The following TDRD3 variants were observed in gnomAD, a reference collection of about 807,000 sequenced individuals.
TDRD3 encodes the protein tudor domain-containing protein 3.
TDRD3 carries 45 observed loss-of-function variants against 86.7 expected under a neutral mutation model. That is an observed-to-expected ratio of 0.52 (90% CI 0.41 to 0.67). The LOEUF (loss-of-function observed/expected upper bound fraction) is 0.67, where lower values mean the gene tolerates loss of function less well. Among genes scored for constraint, TDRD3 ranks in the 30% least tolerant of loss-of-function variants. The probability of loss-of-function intolerance (pLI) is 0.00; values close to 1 mark genes in which losing one functional copy is unlikely to be tolerated. For missense variants in TDRD3, 814 were observed against 889.0 expected (o/e 0.92, Z 1.07); for synonymous variants, 298 against 301.7 (o/e 0.99, Z 0.13).
At chr13:60,554,512 C>A (rs1481005907) in intron 12 of TDRD3, among the ~76,000 whole-genome samples, 2 of 152,072 alleles carry the variant, frequency 1.3e-5, no homozygotes. Flanking sequence ...TTTTAATAAA[C>A]AATTTACACT....
intron 3 of TDRD3, among the ~76,000 whole-genome samples, chr13:60,453,631 C>T (rs1398445728): frequency 1.3e-5 from 2 of 152,160 alleles, no homozygotes; most frequent in Non-Finnish European, 2.9e-5. Context: ...CTCCATAAGA[C>T]AGTGACTCCC....
intron 10 of TDRD3, among the ~76,000 whole-genome samples, chr13:60,523,458 A>C (rs1405691958): frequency 6.6e-6 from 1 of 152,166 alleles, no homozygotes; most frequent in Non-Finnish European, 1.5e-5. Context: ...CTCTCAAATC[A>C]TACTAAACTC....
intron 1 of TDRD3, among the ~76,000 whole-genome samples, chr13:60,428,479 G>A (rs1185985969): frequency 6.6e-6 from 1 of 152,068 alleles, no homozygotes; most frequent in Non-Finnish European, 1.5e-5. Flanking sequence ...GCTGAAGAAA[G>A]GCCGATTAAT....
intron 1 of TDRD3, among the ~76,000 whole-genome samples, chr13:60,439,359 C>T (rs1013717378): frequency 5.9e-5 from 9 of 152,080 alleles, no homozygotes; most frequent in African/African-American, 2.2e-4. Context: ...ATGGTATTAA[C>T]AGATACTTAA....
chr13:60,507,913 A>G (rs922718925), intron 8 of TDRD3, among the ~76,000 whole-genome samples: 1 of 152,234 alleles, frequency 6.6e-6, no homozygotes, highest in East Asian at 1.9e-4. Context: ...CTGATAAGCA[A>G]CTTTAGCAAA....
intron 3 of TDRD3, among the ~76,000 whole-genome samples, chr13:60,455,496 C>G (rs1314506869): frequency 6.6e-6 from 1 of 152,010 alleles, no homozygotes; most frequent in Non-Finnish European, 1.5e-5. Flanking sequence ...GGAAATCTCC[C>G]CTGAAGCCAC....
chr13:60,512,598 AG>A (rs1286636171), intron 10 of TDRD3, among the ~76,000 whole-genome samples: 2 of 152,218 alleles, frequency 1.3e-5, no homozygotes, highest in African/African-American at 2.4e-5. Flanking sequence ...AGGTAAATAT[AG>A]CCATTCCAAA....
Position 60,528,593 on chromosome 13 carries a change from T to C in TDRD3, c.1368T>C (p.Thr456=). The part of the protein sequence containing the change: ...PRNRGSERPS[T]SSVSEVWAED... ...ATAGAGGTTCTGAAAGACCAAGTAC[T>C]TCTTCAGTATCTGAAGTATGGGCTG... Residue 456 remains threonine (T), a synonymous_variant, in exon 11 of 14, where the codon ACT becomes ACC. Transcript: ENST00000377881. The C allele has an allele frequency of 1.2e-6, 2 of 1,614,066 alleles. No individual in the cohort carries two copies. Among genetic ancestry groups the C allele is most frequent in the Non-Finnish European group, 1.7e-6 (2 of 1,179,956 alleles).
At chr13:60,552,223 A>G (rs1343544914) in intron 12 of TDRD3, among the ~76,000 whole-genome samples, 1 of 152,220 alleles carries the variant, frequency 6.6e-6, no homozygotes, top group Non-Finnish European at 1.5e-5. Context: ...TACTTTCAAG[A>G]TATAATGGAG....
At position 60,439,769 on chromosome 13, in the gene TDRD3, C is replaced by T; in HGVS notation, c.123C>T (p.Leu41=). Residue 41 remains leucine (L), a synonymous_variant, in exon 2 of 14, where the codon CTC becomes CTT. Transcript: ENST00000377881. ...TAAATGACATCATCCTGATTGCTCT[C>T]AATGTAGGTTATATTTATTAACTTG... ...VNVNDIILIA[L]NTDLRTIGKK... 4 of 1,525,282 alleles carry T rather than the reference C, an allele frequency of 2.6e-6. No homozygotes were observed. Among genetic ancestry groups the T allele is most frequent in the Non-Finnish European group, 3.5e-6 (4 of 1,136,014 alleles). The allele number at this position is 1,525,282 out of a possible 1,614,324, so 94.5% of individuals were successfully genotyped here.
At chr13:60,543,461 G>A (rs966899382) in intron 12 of TDRD3, among the ~76,000 whole-genome samples, 28 of 152,086 alleles carry the variant, frequency 1.8e-4, no homozygotes, top group African/African-American at 6.3e-4. Flanking sequence ...GATATATAAT[G>A]TATGTGTTTC....
chr13:60,497,642 C>T (rs781059807), intron 8 of TDRD3, among the ~76,000 whole-genome samples: 6 of 152,132 alleles, frequency 3.9e-5, no homozygotes, highest in Admixed American at 2.6e-4. Context: ...AAGGTGCATG[C>T]ACAGTCTTGC....
chr13:60,474,866 AG>A (rs1170691455), intron 5 of TDRD3, among the ~76,000 whole-genome samples: 1 of 150,498 alleles, frequency 6.6e-6, no homozygotes, highest in Middle Eastern at 3.2e-3. Flanking sequence ...GAAGTGTTTT[AG>A]TTTTGGTTTG....
intron 3 of TDRD3, among the ~76,000 whole-genome samples, chr13:60,445,416 C>G (rs1016519551): frequency 1.3e-5 from 2 of 152,194 alleles, no homozygotes; most frequent in Admixed American, 6.5e-5. Flanking sequence ...CTAAAGCCAT[C>G]TATCTTGATT....
chr13:60,456,508 T>G (rs1955674332), intron 3 of TDRD3, among the ~76,000 whole-genome samples: 2 of 152,218 alleles, frequency 1.3e-5, no homozygotes, highest in Admixed American at 6.5e-5. Context: ...AGTAATTTCT[T>G]TTGATTTTTT....
At chr13:60,463,864 C>T (rs553993787) in intron 4 of TDRD3, among the ~76,000 whole-genome samples, 6 of 152,110 alleles carry the variant, frequency 3.9e-5, no homozygotes, top group Admixed American at 3.9e-4. Flanking sequence ...GATATTTGAC[C>T]CTCTAAACCC....
intron 5 of TDRD3, among the ~76,000 whole-genome samples, chr13:60,469,440 A>ACG (rs1956027697): frequency 6.6e-6 from 1 of 151,898 alleles, no homozygotes; most frequent in Admixed American, 6.6e-5. Flanking sequence ...ACACATACAC[A>ACG]CACACACACA....
In TDRD3 at chr13:60,476,952, G is replaced by A. The variant is rs911082943; in HGVS notation, c.496-6823G>A. 3.9e-5 allele frequency among the ~76,000 whole-genome samples: 6 copies of A among 152,000 alleles called. No individual in the cohort carries two copies. The East Asian group carries it at 1.2e-3, about 29-fold the overall frequency. ...GTTTATCGGCTCTAGAAGCCTTCTG[G>A]TGGAGTCTGTGGGGTTTTCTAGATA... On this transcript the variant is annotated intron_variant, in intron 5 of 13. Transcript: ENST00000377881.
intron 10 of TDRD3, 121 bp from the exon 11 acceptor site, chr13:60,528,239 AGGAAGAT>A (rs1255923750): frequency 6.6e-6 from 7 of 1,055,508 alleles, no homozygotes; most frequent in Non-Finnish European, 9.0e-6. Flanking sequence ...ATAATGAGGT[AGGAAGAT>A]GGAAGAAGAT....
Sources: allele counts gnomAD v4.1 joint callset (sites outside exome capture counted in the v4.1 genomes callset), GRCh38; gene constraint gnomAD v4.1.1; transcripts MANE v1.5; gene names NCBI Gene and HGNC (gene_info 2026-07-23, HGNC 2026-07-21).